The following RPS6KA1 variants were observed in gnomAD, a reference collection of about 807,000 sequenced individuals.
The protein encoded by RPS6KA1 is ribosomal protein S6 kinase alpha-1.
RPS6KA1 carries 48 observed loss-of-function variants against 91.3 expected under a neutral mutation model. The observed-to-expected ratio is 0.53, with a 90% CI of 0.42 to 0.67. The LOEUF is 0.67. RPS6KA1 is among the 30% of genes least tolerant of loss of function. The pLI is 0.00. For synonymous variants in RPS6KA1, 359 were observed against 384.7 expected, an observed-to-expected ratio of 0.93 and a Z score of 0.78; for missense variants, 719 against 960.5, an observed-to-expected ratio of 0.75 and a Z score of 3.32.
intron 1 of RPS6KA1, chr1:26,531,116 G>T (rs979937327): frequency 7.7e-5 from 13 of 169,578 alleles, no homozygotes; most frequent in Admixed American, 2.4e-4. Context: ...AGGGTCCCCA[G>T]CCCCCAGGGT....
In RPS6KA1 at chr1:26,573,608, C is replaced by T. The variant is rs143645776; in HGVS notation, c.2085+247C>T. ...GAACCCTCCAGTCTGATGGGGGAGG[C>T]AGGACCCATGACCATAAAGGACCAC... On this transcript the variant is annotated intron_variant, in intron 21 of 21. Transcript: ENST00000374168. 3.1e-4 allele frequency among the ~76,000 whole-genome samples: 47 copies of T among 152,286 alleles called. 1 individual carries two copies. The East Asian group carries it at 7.2e-3, about 23-fold the overall frequency.
chr1:26,566,238 C>A (rs2076200269), intron 17 of RPS6KA1, among the ~76,000 whole-genome samples: 1 of 147,768 alleles, frequency 6.8e-6, no homozygotes, highest in Non-Finnish European at 1.5e-5. Context: ...TCTCTTCAAT[C>A]ATTGCCATTC....
At chr1:26,552,913 G>T in intron 6 of RPS6KA1, 1 of 343,160 alleles carries the variant, frequency 2.9e-6, no homozygotes, top group Non-Finnish European at 5.7e-6. Flanking sequence ...ATTTTTATTG[G>T]TTTCTTGTTT....
intron 17 of RPS6KA1, among the ~76,000 whole-genome samples, chr1:26,568,486 C>T (rs1287637943): frequency 2.0e-5 from 3 of 152,160 alleles, no homozygotes; most frequent in East Asian, 1.9e-4. Flanking sequence ...TGGTGGCTCA[C>T]GCCTGTAATC....
At chr1:26,533,496 A>G (rs1397441847) in intron 1 of RPS6KA1, among the ~76,000 whole-genome samples, 2 of 152,014 alleles carry the variant, frequency 1.3e-5, no homozygotes. Flanking sequence ...ACCTGAGGTC[A>G]GGAGTTTGAG....
chr1:26,542,680 C>G (rs1007297455), intron 2 of RPS6KA1, among the ~76,000 whole-genome samples: 1 of 152,160 alleles, frequency 6.6e-6, no homozygotes, highest in Non-Finnish European at 1.5e-5. Context: ...CGGAGGGGGG[C>G]CACTGGTGCC....
chr1:26,530,858 C>A, intron 1 of RPS6KA1: 1 of 1,285,416 alleles, frequency 7.8e-7, no homozygotes, highest in Non-Finnish European at 1.0e-6. Flanking sequence ...CCTGAATGAG[C>A]TGGTGGAAAA....
chr1:26,569,385 C>T (rs983772813), intron 17 of RPS6KA1, among the ~76,000 whole-genome samples: 2 of 152,120 alleles, frequency 1.3e-5, no homozygotes, highest in African/African-American at 4.8e-5. Flanking sequence ...AGTCCACATT[C>T]CTGGGGGCCT....
chr1:26,534,523 T>A (rs550896440), intron 1 of RPS6KA1, among the ~76,000 whole-genome samples: 4 of 152,234 alleles, frequency 2.6e-5, no homozygotes, highest in African/African-American at 9.6e-5. Context: ...ACCATACAAA[T>A]GCTGGGGATA....
At chr1:26,572,746 T>C (rs1208737045) in intron 20 of RPS6KA1, among the ~76,000 whole-genome samples, 1 of 152,134 alleles carries the variant, frequency 6.6e-6, no homozygotes, top group Non-Finnish European at 1.5e-5. Context: ...AGCAACAGTT[T>C]TTGGTCATTG....
In RPS6KA1 at chr1:26,554,325, G is replaced by A; in HGVS notation, c.613+74G>A. ...AGGTCATGATAGGTCTCGGCTGAGT[G>A]CTGGGGGCTCATTCTTCCCGAGAAG... is the stretch of plus-strand genomic sequence containing the variant. On this transcript the variant is annotated intron_variant, in intron 8 of 21. Coordinates refer to ENST00000374168, the MANE Select transcript of RPS6KA1 (RefSeq NM_002953.4). This position sits in a 1 kb window ranked among gnomAD's most constrained non-coding sequence, Gnocchi z 4.6. 4 of 1,441,124 alleles carry A rather than the reference G, an allele frequency of 2.8e-6. No individual in the cohort carries two copies. The South Asian group carries it at 5.1e-5, about 18-fold the overall frequency. The allele number at this position is 1,441,124 out of a possible 1,614,324, so 89.3% of individuals were successfully genotyped here. A position where few individuals can be genotyped will look rare whatever the true frequency, so the allele number is the denominator to read the frequency against.
chr1:26,529,830 C>CGGT lies in RPS6KA1; in HGVS notation c.-90_-88dup. ...GCGCGAGGGGCTCGGGGGGGCGCGG[C>CGGT]GGTTCGGGTCGCAGAGCCAGGGACC... On this transcript the variant is annotated 5_prime_UTR_variant, in exon 1 of 22. Coordinates refer to ENST00000374168, the MANE Select transcript of RPS6KA1 (RefSeq NM_002953.4). This position sits in a 1 kb window ranked among gnomAD's most constrained non-coding sequence, Gnocchi z 4.2. The CGGT allele has an allele frequency of 1.0e-6, 1 of 980,096 alleles. No homozygotes were observed. Among genetic ancestry groups the CGGT allele is most frequent in the South Asian group, 3.3e-5 (1 of 30,526 alleles). 60.7% of individuals were successfully genotyped at this position (980,096 alleles called of 1,614,324 possible).
intron 17 of RPS6KA1, among the ~76,000 whole-genome samples, chr1:26,562,825 CTTTTTTTTTTTTT>C (rs748764001): frequency 1.2e-5 from 1 of 81,432 alleles, no homozygotes; most frequent in African/African-American, 5.1e-5. Flanking sequence ...TCCTATTGTC[CTTTTTTTTTTTTT>C]TTTTTTTTTT....
chr1:26,549,093 T>A (rs1235702826), intron 4 of RPS6KA1, among the ~76,000 whole-genome samples: 4 of 150,264 alleles, frequency 2.7e-5, no homozygotes, highest in African/African-American at 9.8e-5. Flanking sequence ...GGAATGGCAG[T>A]GACGAATGAA....
chr1:26,569,816 G>C (rs1338401790), intron 17 of RPS6KA1, among the ~76,000 whole-genome samples: 1 of 152,202 alleles, frequency 6.6e-6, no homozygotes, highest in South Asian at 2.1e-4. Flanking sequence ...GGTTATGATC[G>C]TTACCGAAGG....
chr1:26,572,085 C>T (rs920207270), intron 19 of RPS6KA1, 91 bp from the exon 20 acceptor site: 26 of 1,315,108 alleles, frequency 2.0e-5, no homozygotes, highest in Admixed American at 5.1e-5. Flanking sequence ...GGGAGTACCC[C>T]ATCTGAGGGG....
chr1:26,534,992 G>GA (rs2075896094), intron 1 of RPS6KA1, among the ~76,000 whole-genome samples: 1 of 152,164 alleles, frequency 6.6e-6, no homozygotes, highest in South Asian at 2.1e-4. Context: ...TTGATTTTAG[G>GA]AATGATGAGG....
chr1:26,553,466 G>A lies in RPS6KA1; in HGVS notation c.544G>A (p.Gly182Ser). The A allele has an allele frequency of 1.2e-6, 2 of 1,612,482 alleles. No homozygotes were observed. The highest frequency in any genetic ancestry group is 1.7e-6 in the Non-Finnish European group (2 of 1,179,054). The stretch of plus-strand genomic sequence containing the variant: ...GGGCCTGGATCACCTGCACAGCCTG[G>A]GTATCATTTACAGAGACCTCAAGCC... ...ALGLDHLHSL[G>S]IIYRDLKPEN... The change falls in exon 7 of 22, where the codon GGT becomes AGT. Residue 182 changes from glycine to serine, a missense_variant. This residue lies in a region of RPS6KA1 where 159 missense variants were observed against 264.5 expected (regional missense o/e 0.60). Transcript: ENST00000374168.
In RPS6KA1 at chr1:26,529,884, G is replaced by T; in HGVS notation, c.-37G>T. The stretch of plus-strand genomic sequence containing the variant: ...GGACCCGGGAGGCGGCGCAGCCGGG[G>T]CCGCCGGAGGAGCGCGGGTGACCTG... On this transcript the variant is annotated 5_prime_UTR_variant, in exon 1 of 22. Coordinates refer to ENST00000374168, the MANE Select transcript of RPS6KA1 (RefSeq NM_002953.4). This position sits in a 1 kb window ranked among gnomAD's most constrained non-coding sequence, Gnocchi z 4.2. The T allele has an allele frequency of 7.1e-7, 1 of 1,401,736 alleles. No homozygotes were observed. The highest frequency in any genetic ancestry group is 9.3e-7 in the Non-Finnish European group (1 of 1,074,468). 86.8% of individuals were successfully genotyped at this position (1,401,736 alleles called of 1,614,324 possible).
Sources: gnomAD v4.1 joint callset for allele counts (sites outside exome capture counted in the v4.1 genomes callset) on GRCh38, gnomAD v4.1.1 for gene constraint, gnomAD v4.1.1 regional missense constraint, Gnocchi (gnomAD v3.1) non-coding constraint, MANE v1.5 for transcripts, NCBI Gene and HGNC (gene_info 2026-07-23, HGNC 2026-07-21) for gene names.